The following ARHGEF3 variants were observed in gnomAD, a reference collection of about 807,000 sequenced individuals.
ARHGEF3 encodes Rho guanine nucleotide exchange factor 3, also known as 59.8 kDA protein.
ARHGEF3 carries 28 observed loss-of-function variants against 63.2 expected under a neutral mutation model. That is an observed-to-expected ratio of 0.44 (90% CI 0.33 to 0.61). The LOEUF (loss-of-function observed/expected upper bound fraction) is 0.61. Among genes scored for constraint, ARHGEF3 ranks in the 20% least tolerant of loss-of-function variants. ARHGEF3 has a pLI of 0.03. For missense variants in ARHGEF3, 533 were observed against 659.3 expected, an observed-to-expected ratio of 0.81 and a Z score of 2.10; for synonymous variants, 266 against 254.2, an observed-to-expected ratio of 1.05 and a Z score of -0.44.
At chr3:56,801,667 G>A (rs998398761) in intron 1 of ARHGEF3, 36 bp downstream of exon 1, 52 of 1,547,550 alleles carry the variant, frequency 3.4e-5, no homozygotes, top group Non-Finnish European at 4.2e-5. Flanking sequence ...ACAGGCAGAT[G>A]ACCCATAGAG....
At chr3:56,936,748 C>G (rs1209119599) in intron 3 of ARHGEF3, among the ~76,000 whole-genome samples, 2 of 152,186 alleles carry the variant, frequency 1.3e-5, no homozygotes, top group Non-Finnish European at 2.9e-5. Flanking sequence ...GAGACAGGGT[C>G]TCACTCCATT....
At chr3:57,001,631 T>A (rs1487867543) in intron 2 of ARHGEF3, among the ~76,000 whole-genome samples, 1 of 152,224 alleles carries the variant, frequency 6.6e-6, no homozygotes. Context: ...CCTGATACAG[T>A]GCAGGCCTTC....
chr3:56,771,901 T>C (rs2036024957), intron 2 of ARHGEF3, among the ~76,000 whole-genome samples: 1 of 152,172 alleles, frequency 6.6e-6, no homozygotes, highest in Non-Finnish European at 1.5e-5. Flanking sequence ...CTGAAGAATT[T>C]TCAAAAAGCA....
At chr3:56,920,707 C>T (rs1253260606) in intron 3 of ARHGEF3, among the ~76,000 whole-genome samples, 2 of 152,050 alleles carry the variant, frequency 1.3e-5, no homozygotes, top group South Asian at 2.1e-4. Flanking sequence ...CCATTTGATA[C>T]TTCAAATTTT....
chr3:56,996,535 C>T (rs967538648), intron 2 of ARHGEF3, among the ~76,000 whole-genome samples: 5 of 152,196 alleles, frequency 3.3e-5, no homozygotes, highest in Non-Finnish European at 7.3e-5. Context: ...CTCATGAGGA[C>T]ACAGTGAGAA....
At chr3:56,848,966 G>A (rs2039579805) in intron 4 of ARHGEF3, among the ~76,000 whole-genome samples, 1 of 152,196 alleles carries the variant, frequency 6.6e-6, no homozygotes, top group Admixed American at 6.5e-5. Flanking sequence ...ACCGCACCTG[G>A]CCCCACTGAG....
At chr3:57,042,700 A>ATATTT (rs1704272727) in intron 1 of ARHGEF3, among the ~76,000 whole-genome samples, 6 of 66,122 alleles carry the variant, frequency 9.1e-5, no homozygotes, top group Admixed American at 2.5e-4. Context: ...ATATATATAT[A>ATATTT]TTTTTTTTTT....
intron 1 of ARHGEF3, among the ~76,000 whole-genome samples, chr3:57,048,298 C>CA (rs1395020635): frequency 6.6e-6 from 1 of 152,200 alleles, no homozygotes; most frequent in Non-Finnish European, 1.5e-5. Context: ...AGTCAAGTCA[C>CA]ATGTCCACCA....
chr3:56,862,066 C>T (rs1483348402), intron 4 of ARHGEF3, among the ~76,000 whole-genome samples: 1 of 152,128 alleles, frequency 6.6e-6, no homozygotes, highest in Non-Finnish European at 1.5e-5. Context: ...TAATCCACAG[C>T]TTAAAATGAA....
intron 1 of ARHGEF3, among the ~76,000 whole-genome samples, chr3:57,068,703 T>C (rs1306777736): frequency 6.6e-6 from 1 of 152,200 alleles, no homozygotes; most frequent in African/African-American, 2.4e-5. Flanking sequence ...AGCCAAGCTG[T>C]ACCTTCTGAG....
chr3:56,753,534 GTCT>G lies in ARHGEF3; in HGVS notation c.405_407del (p.Glu135del), dbSNP rs1559906221. 1 of 1,613,810 alleles carries G rather than the reference GTCT, an allele frequency of 6.2e-7. No homozygotes were observed. Among genetic ancestry groups the G allele is most frequent in the Non-Finnish European group, 8.5e-7 (1 of 1,179,960 alleles). On this transcript the variant is annotated inframe_deletion, in exon 4 of 10. Transcript: ENST00000296315. Reference sequence around the variant, plus strand: ...TTGCTAATTTCAAGTCTTCTATCAAGTCTTCTTCTCCTTGGGAAAGCTCAAAGA... The same window carrying G: ...TTGCTAATTTCAAGTCTTCTATCAAGTCTTCTCCTTGGGAAAGCTCAAAGA...
intron 4 of ARHGEF3, among the ~76,000 whole-genome samples, chr3:56,824,157 G>A (rs879520698): frequency 1.2e-4 from 18 of 152,138 alleles, no homozygotes; most frequent in Non-Finnish European, 2.5e-4. Flanking sequence ...TTAACAGAGA[G>A]CTTTAAGCAA....
intron 1 of ARHGEF3, among the ~76,000 whole-genome samples, chr3:56,791,057 A>G (rs1201366210): frequency 2.0e-5 from 3 of 151,934 alleles, no homozygotes; most frequent in Non-Finnish European, 4.4e-5. Context: ...CTTACTATTT[A>G]TCACCTCTGC....
chr3:56,750,987 T>C, intron 6 of ARHGEF3, 69 bp downstream of exon 6: 2 of 1,093,970 alleles, frequency 1.8e-6, no homozygotes, highest in South Asian at 4.5e-5. Flanking sequence ...AAAAAAAGTC[T>C]AGCTAAAATG....
At chr3:56,803,432 G>GA, upstream of ARHGEF3, among the ~76,000 whole-genome samples, 1 of 144,324 alleles carries the variant, frequency 6.9e-6, no homozygotes, top group South Asian at 2.2e-4. Context: ...GAGACCCTGA[G>GA]AAAAAATAAA....
chr3:57,078,948 G>A (rs1327199511), intron 1 of ARHGEF3: 1 of 314,284 alleles, frequency 3.2e-6, no homozygotes, highest in Non-Finnish European at 5.8e-6. Flanking sequence ...GTCGAGGCTG[G>A]CGGTGGCACT....
chr3:56,773,326 C>G (rs952467765), intron 2 of ARHGEF3, among the ~76,000 whole-genome samples: 4 of 152,140 alleles, frequency 2.6e-5, no homozygotes, highest in Admixed American at 1.3e-4. Flanking sequence ...ACTGGATTTT[C>G]TCCACCCAAT....
At chr3:57,034,379 C>T (rs949979611) in intron 2 of ARHGEF3, among the ~76,000 whole-genome samples, 4 of 151,856 alleles carry the variant, frequency 2.6e-5, no homozygotes, top group Middle Eastern at 3.4e-3. Flanking sequence ...CAGGGTCTGC[C>T]TTTGCCTCCT....
At chr3:56,888,117 T>C (rs1362247447) in intron 3 of ARHGEF3, among the ~76,000 whole-genome samples, 18 of 152,180 alleles carry the variant, frequency 1.2e-4, no homozygotes, top group Admixed American at 1.2e-3. Flanking sequence ...TTTTTTTTTT[T>C]TTCTTACCAG....
Sources: allele counts gnomAD v4.1 joint callset (sites outside exome capture counted in the v4.1 genomes callset), GRCh38; gene constraint gnomAD v4.1.1; transcripts MANE v1.5; gene names NCBI Gene and HGNC (gene_info 2026-07-23, HGNC 2026-07-21).